RNF213: variants seen among roughly 807,000 people sequenced by gnomAD.
RNF213 encodes ring finger protein 213, also known as E3 ubiquitin-protein ligase RNF213.
In RNF213, 341 loss-of-function variants were observed where a neutral mutation model predicts 514.4. The ratio of observed to expected loss-of-function variants is 0.66; its 90% CI spans 0.61 to 0.73. RNF213 has a LOEUF of 0.73. Among genes scored for constraint, RNF213 ranks in the 30% least tolerant of loss-of-function variants. The probability of loss-of-function intolerance (pLI) is 0.00; values close to 1 mark genes in which losing one functional copy is unlikely to be tolerated. For missense variants in RNF213, 5,767 were observed against 6,615.6 expected, an observed-to-expected ratio of 0.87 and a Z score of 4.45; for synonymous variants, 2,655 against 2,658.2, an observed-to-expected ratio of 1.00 and a Z score of 0.04.
At chr17:80,383,288 G>A (rs867841315) in intron 58 of RNF213, among the ~76,000 whole-genome samples, 12 of 152,130 alleles carry the variant, frequency 7.9e-5, no homozygotes, top group African/African-American at 2.9e-4. Context: ...GTCAGTCCGA[G>A]GAATTCCTGG....
intron 2 of RNF213, among the ~76,000 whole-genome samples, chr17:80,266,812 C>T (rs1356026611): frequency 6.6e-6 from 1 of 152,176 alleles, no homozygotes; most frequent in East Asian, 1.9e-4. Context: ...GGCCTCATGT[C>T]TCTCACTTTA....
chr17:80,310,588 T>C (rs1169250577), intron 14 of RNF213, among the ~76,000 whole-genome samples: 2 of 151,678 alleles, frequency 1.3e-5, no homozygotes, highest in Non-Finnish European at 2.9e-5. Flanking sequence ...GTTTCACTCT[T>C]GTTGCCCAGG....
Position 80,332,188 on chromosome 17 carries a change from C to T in RNF213, c.3700C>T (p.Gln1234Ter). ...CTTGCTCAGAGACAGCCACATCTTC[C>T]AGCTCTTCTGGCGGGAAGCCGCAGA... ...IDLLRDSHIFQLFWREAAEPL... is the reference protein window; with the variant it reads ...IDLLRDSHIF Residue 1234 changes from glutamine to a stop codon, truncating the protein, a stop_gained, in exon 21 of 68, where the codon CAG becomes TAG. Transcript: ENST00000582970. LOFTEE classifies it high-confidence loss of function. 1.3e-6 allele frequency: 2 copies of T among 1,537,170 alleles called. No individual in the cohort carries two copies. Among genetic ancestry groups the T allele is most frequent in the East Asian group, 4.9e-5 (2 of 40,920 alleles).
chr17:80,363,547 G>T, intron 40 of RNF213, 62 bp from the exon 41 acceptor site: 1 of 1,574,836 alleles, frequency 6.3e-7, no homozygotes, highest in Non-Finnish European at 8.7e-7. Context: ...TAACAGCCGG[G>T]GCCTCTGGTG....
In RNF213 at chr17:80,294,917, G is replaced by T. The variant is rs755262916; in HGVS notation, c.1669G>T (p.Glu557Ter). 54 of 1,614,008 alleles carry T rather than the reference G, an allele frequency of 3.3e-5. No individual in the cohort carries two copies. Among genetic ancestry groups the T allele is most frequent in the Non-Finnish European group, 4.6e-5 (54 of 1,180,040 alleles). ...CCTGAACAGCTTCTTCACCCAGTTC[G>T]AGCAGTTTTGCTTTGTCCTGCAACA... is the stretch of plus-strand genomic sequence containing the variant. ...INLNSFFTQF[E>*]QFCFVLQQPM... is the part of the protein sequence containing the mutation. The change falls in exon 9 of 68, where the codon GAG (glutamate) becomes TAG (stop). Residue 557 changes from glutamate (E) to a stop codon, truncating the protein, a stop_gained. Transcript: ENST00000582970. LOFTEE classifies it high-confidence loss of function.
At chr17:80,318,725 C>T (rs2046031831) in intron 16 of RNF213, among the ~76,000 whole-genome samples, 1 of 152,156 alleles carries the variant, frequency 6.6e-6, no homozygotes. Context: ...AGGCGCCCGC[C>T]ACCGCGCCCA....
intron 37 of RNF213, 67 bp from the exon 38 acceptor site, chr17:80,359,994 G>C: frequency 6.4e-7 from 1 of 1,554,942 alleles, no homozygotes; most frequent in Non-Finnish European, 8.8e-7. Context: ...ATCAGTGGCA[G>C]ATCTTATCTT....
chr17:80,392,038 G>A (rs145967727), intron 67 of RNF213, among the ~76,000 whole-genome samples: 3,684 of 152,016 alleles, frequency 0.024, 154 homozygotes, highest in African/African-American at 0.084. Flanking sequence ...AAAGTGCTAG[G>A]ATTACAGGCG....
At chr17:80,274,969 G>GA (rs1555639151) in intron 3 of RNF213, among the ~76,000 whole-genome samples, 2 of 55,446 alleles carry the variant, frequency 3.6e-5, no homozygotes, top group African/African-American at 1.0e-4. Context: ...TGTGTGTTGG[G>GA]GTGTGTGTGT....
At chr17:80,386,159 G>A in intron 61 of RNF213, 91 bp from the exon 62 acceptor site, 2 of 1,271,520 alleles carry the variant, frequency 1.6e-6, no homozygotes, top group East Asian at 2.3e-5. Context: ...TGTGTGTGGA[G>A]CTGATGGCTT....
At chr17:80,386,108 C>T in intron 61 of RNF213, 142 bp from the exon 62 acceptor site, 1 of 743,780 alleles carries the variant, frequency 1.3e-6, no homozygotes, top group South Asian at 1.6e-5. Flanking sequence ...GAAACTCTAT[C>T]AGCATATGAG....
intron 2 of RNF213, among the ~76,000 whole-genome samples, chr17:80,271,249 T>C (rs543652108): frequency 3.9e-4 from 60 of 152,302 alleles, no homozygotes; most frequent in African/African-American, 1.4e-3. Flanking sequence ...CTGTGATGTT[T>C]CATGTGTGTC....
chr17:80,270,598 C>T (rs2043789689), intron 2 of RNF213, among the ~76,000 whole-genome samples: 1 of 152,216 alleles, frequency 6.6e-6, no homozygotes, highest in Admixed American at 6.5e-5. Flanking sequence ...TGATTTCCTT[C>T]ATCAGTAGGC....
At position 80,291,512 on chromosome 17, in the gene RNF213, T is replaced by A. The variant is rs192689761; in HGVS notation, c.1272-116T>A. ...TGTTGGGATTTCAGGCATGGGCCAC[T>A]GAACCCAGCCTTGCCACATCAACTT... On this transcript the variant is annotated intron_variant, in intron 7 of 67. Coordinates refer to ENST00000582970, the MANE Select transcript of RNF213 (RefSeq NM_001256071.3). The A allele has an allele frequency of 3.4e-4, 365 of 1,078,688 alleles. 2 individuals are homozygous for A. The African/African-American group carries it at 5.0e-3, about 15-fold the overall frequency. 66.8% of individuals were successfully genotyped at this position (1,078,688 alleles called of 1,614,324 possible).
chr17:80,306,419 C>G lies in RNF213; in HGVS notation c.2378C>G (p.Ser793Ter). Residue 793 changes from serine to a stop codon, truncating the protein, a stop_gained, in exon 12 of 68, where the codon TCA becomes TGA. Transcript: ENST00000582970. LOFTEE classifies it high-confidence loss of function. ...CCTGCTCATATCCTGGACTGTCTTT[C>G]AGGGATTTACTACCGGCTTCCGGGA... is the stretch of plus-strand genomic sequence containing the variant. ...RFPAHILDCL[S>*]GIYYRLPGLE... The G allele has an allele frequency of 6.2e-7, 1 of 1,614,148 alleles. No individual in the cohort carries two copies. The highest frequency in any genetic ancestry group is 8.5e-7 in the Non-Finnish European group (1 of 1,180,022).
chr17:80,359,996 T>C, intron 37 of RNF213, 65 bp from the exon 38 acceptor site: 6 of 1,561,372 alleles, frequency 3.8e-6, no homozygotes, highest in Non-Finnish European at 5.3e-6. Flanking sequence ...CAGTGGCAGA[T>C]CTTATCTTGT....
chr17:80,386,819 G>C lies in RNF213; in HGVS notation c.14850G>C (p.Glu4950Asp), dbSNP rs371441113. The C allele has an allele frequency of 7.6e-5, 123 of 1,614,222 alleles. 1 individual carries two copies. The East Asian group carries it at 1.7e-3, about 23-fold the overall frequency. The change falls in exon 63 of 68, where the codon GAG (glutamate) becomes GAC (aspartate). Residue 4950 changes from glutamate (E) to aspartate (D), a missense_variant. Glu to Asp is a conservative substitution (Grantham distance 45). Coordinates refer to ENST00000582970, the MANE Select transcript of RNF213 (RefSeq NM_001256071.3). ...AGGAGGGCAGAGAGACCGTGCAGGAGTTCGATCTGGAGAAGATTCAGCGGC... is the reference window on the plus strand; with the variant it reads ...AGGAGGGCAGAGAGACCGTGCAGGACTTCGATCTGGAGAAGATTCAGCGGC... ...QVEEGRETVQ[E>D]FDLEKIQRQI...
Position 80,352,962 on chromosome 17 carries a change from C to A in RNF213, c.10326C>A (p.Ile3442=), listed in dbSNP as rs746496977. Residue 3442 remains isoleucine, a synonymous_variant, in exon 33 of 68, where the codon ATC becomes ATA. Coordinates refer to ENST00000582970, the MANE Select transcript of RNF213 (RefSeq NM_001256071.3). ...FHGGLWQSVH[I]DDLRRSTLMV... is the part of the protein sequence containing the mutation. ...CAGGGCTGTGGCAGTCTGTCCACAT[C>A]GATGACCTCCGGAGATCCACCCTCA... 2 of 1,613,882 alleles carry A rather than the reference C, an allele frequency of 1.2e-6. No homozygotes were observed. Among genetic ancestry groups the A allele is most frequent in the Admixed American group, 3.3e-5 (2 of 60,012 alleles).
chr17:80,353,444 A>T lies in RNF213; in HGVS notation c.10424-68A>T. On this transcript the variant is annotated intron_variant, in intron 33 of 67. Transcript: ENST00000582970. This position sits in a 1 kb window ranked among gnomAD's most constrained non-coding sequence, Gnocchi z 5.0. ...GGAGGCTGAGCACACAGACTCCCAGATGGCACCGCTGCCAGTCCCTGTGCC... is the reference window on the plus strand; with the variant it reads ...GGAGGCTGAGCACACAGACTCCCAGTTGGCACCGCTGCCAGTCCCTGTGCC... The T allele has an allele frequency of 1.3e-6, 2 of 1,525,478 alleles. No homozygotes were observed. Among genetic ancestry groups the T allele is most frequent in the Middle Eastern group, 1.7e-4 (1 of 5,944 alleles). The allele number at this position is 1,525,478 out of a possible 1,614,324, so 94.5% of individuals were successfully genotyped here.
Sources: allele counts gnomAD v4.1 joint callset (sites outside exome capture counted in the v4.1 genomes callset), GRCh38; gene constraint gnomAD v4.1.1; non-coding constraint Gnocchi (gnomAD v3.1); transcripts MANE v1.5; gene names NCBI Gene and HGNC (gene_info 2026-07-23, HGNC 2026-07-21).